The following GSTCD variants were observed in gnomAD, a reference collection of about 807,000 sequenced individuals.
The protein encoded by GSTCD is glutathione S-transferase C-terminal domain-containing protein.
GSTCD carries 44 observed loss-of-function variants against 68.3 expected under a neutral mutation model. The ratio of observed to expected loss-of-function variants is 0.64; its 90% CI spans 0.51 to 0.83. The LOEUF (loss-of-function observed/expected upper bound fraction) is 0.83, where lower values mean the gene tolerates loss of function less well. GSTCD is among the 40% of genes least tolerant of loss of function. The pLI is 0.00. For synonymous variants in GSTCD, 273 were observed against 255.2 expected (o/e 1.07, Z -0.67); for missense variants, 739 against 735.9 (o/e 1.00, Z -0.05).
chr4:105,791,189 C>T (rs113114960), intron 5 of GSTCD, among the ~76,000 whole-genome samples: 6,764 of 151,808 alleles, frequency 0.045, 212 homozygotes, highest in Middle Eastern at 0.13. Context: ...GTCAGAAGAT[C>T]GAGACCATTC....
chr4:105,749,212 G>A (rs1196677057), intron 5 of GSTCD, among the ~76,000 whole-genome samples: 1 of 151,674 alleles, frequency 6.6e-6, no homozygotes, highest in Non-Finnish European at 1.5e-5. Context: ...TATTATAATT[G>A]TATGATAATA....
intron 5 of GSTCD, among the ~76,000 whole-genome samples, chr4:105,749,543 A>G (rs1469636167): frequency 6.6e-6 from 1 of 152,000 alleles, no homozygotes; most frequent in Non-Finnish European, 1.5e-5. Context: ...AATGCATAAA[A>G]GCAACTCAAT....
chr4:105,806,539 T>C (rs1034755225), intron 5 of GSTCD, among the ~76,000 whole-genome samples: 1 of 152,120 alleles, frequency 6.6e-6, no homozygotes, highest in African/African-American at 2.4e-5. Context: ...CAAGTCTCTA[T>C]GTTTTTGCCT....
At chr4:105,746,582 T>C (rs1055997556) in intron 5 of GSTCD, among the ~76,000 whole-genome samples, 1 of 152,216 alleles carries the variant, frequency 6.6e-6, no homozygotes, top group African/African-American at 2.4e-5. Flanking sequence ...ATTCTAACTC[T>C]TTGTGTAGAT....
chr4:105,760,839 C>A (rs1390087937), intron 5 of GSTCD, among the ~76,000 whole-genome samples: 2 of 151,994 alleles, frequency 1.3e-5, no homozygotes, highest in Non-Finnish European at 2.9e-5. Context: ...ATGTTAAAAT[C>A]TATTTTTTTA....
intron 5 of GSTCD, among the ~76,000 whole-genome samples, chr4:105,779,936 A>C (rs1282675321): frequency 2.0e-5 from 3 of 152,228 alleles, no homozygotes; most frequent in African/African-American, 7.2e-5. Context: ...AGAAAGATAT[A>C]TGATACTCAG....
At chr4:105,786,993 C>T (rs1322856697) in intron 5 of GSTCD, among the ~76,000 whole-genome samples, 1 of 152,024 alleles carries the variant, frequency 6.6e-6, no homozygotes, top group East Asian at 1.9e-4. Flanking sequence ...TGTTTACACC[C>T]ACGAGAATTG....
intron 5 of GSTCD, among the ~76,000 whole-genome samples, chr4:105,792,993 A>G (rs566807246): frequency 6.6e-6 from 1 of 152,030 alleles, no homozygotes; most frequent in Non-Finnish European, 1.5e-5. Context: ...GTTGATTTCA[A>G]TTGTGTAATA....
chr4:105,833,961 T>G (rs970901487), intron 8 of GSTCD, among the ~76,000 whole-genome samples: 1 of 152,250 alleles, frequency 6.6e-6, no homozygotes, highest in South Asian at 2.1e-4. Flanking sequence ...CTACATGATA[T>G]GATTCAGTTA....
intron 5 of GSTCD, among the ~76,000 whole-genome samples, chr4:105,786,444 G>A (rs1015097680): frequency 1.1e-4 from 16 of 151,340 alleles, no homozygotes; most frequent in African/African-American, 2.7e-4. Context: ...CGCCAGAGGC[G>A]AAGGTTGCAG....
intron 5 of GSTCD, 43 bp downstream of exon 5, chr4:105,729,542 A>G (rs759205524): frequency 2.2e-5 from 29 of 1,307,860 alleles, no homozygotes; most frequent in Non-Finnish European, 2.9e-5. Flanking sequence ...TACTTTGGAT[A>G]CTGTCTTCAG....
intron 5 of GSTCD, among the ~76,000 whole-genome samples, chr4:105,730,094 A>G (rs11737741): frequency 0.054 from 8,162 of 152,290 alleles, 253 homozygotes; most frequent in Middle Eastern, 0.14. Context: ...ATGGCTGCAT[A>G]GTATTCCATG....
intron 5 of GSTCD, among the ~76,000 whole-genome samples, chr4:105,738,806 T>A (rs1733541895): frequency 6.6e-6 from 1 of 152,210 alleles, no homozygotes; most frequent in African/African-American, 2.4e-5. Context: ...GACTTCTTCC[T>A]TGCCAATTTG....
intron 5 of GSTCD, among the ~76,000 whole-genome samples, chr4:105,787,013 AC>A (rs1003659814): frequency 4.5e-4 from 69 of 152,212 alleles, no homozygotes; most frequent in Middle Eastern, 3.4e-3. Flanking sequence ...GAAAACATAC[AC>A]CCAAACAAAA....
intron 3 of GSTCD, among the ~76,000 whole-genome samples, chr4:105,724,450 A>G (rs1732967501): frequency 6.6e-6 from 1 of 151,806 alleles, no homozygotes. Context: ...TTAGTTTTAA[A>G]TATTTACAAT....
At chr4:105,740,725 T>C (rs1470513884) in intron 5 of GSTCD, among the ~76,000 whole-genome samples, 9 of 152,190 alleles carry the variant, frequency 5.9e-5, no homozygotes, top group Admixed American at 5.9e-4. Context: ...AATATAGCTT[T>C]TGAAGGTTTC....
chr4:105,837,923 A>G, intron 10 of GSTCD, 34 bp downstream of exon 10: 4 of 880,984 alleles, frequency 4.5e-6, no homozygotes, highest in Non-Finnish European at 6.9e-6. Flanking sequence ...TCATCCTAAT[A>G]CACTTTTTAT....
intron 5 of GSTCD, among the ~76,000 whole-genome samples, chr4:105,780,231 AGAT>A: frequency 6.6e-6 from 1 of 152,196 alleles, no homozygotes; most frequent in East Asian, 1.9e-4. Context: ...AACCTGCTCT[AGAT>A]GATGAAGTGT....
At chr4:105,735,685 C>T (rs939473873) in intron 5 of GSTCD, among the ~76,000 whole-genome samples, 1 of 152,074 alleles carries the variant, frequency 6.6e-6, no homozygotes, top group African/African-American at 2.4e-5. Flanking sequence ...CACTGTCCTG[C>T]CCCCACTGTC....
Sources: allele counts gnomAD v4.1 joint callset (sites outside exome capture counted in the v4.1 genomes callset), GRCh38; gene constraint gnomAD v4.1.1; transcripts MANE v1.5; gene names NCBI Gene and HGNC (gene_info 2026-07-23, HGNC 2026-07-21).